ZRANB3: variants seen among roughly 807,000 people sequenced by gnomAD.
The protein encoded by ZRANB3 is zinc finger RANBP2-type containing 3.
Under a neutral mutation model 133.8 loss-of-function variants are expected in ZRANB3, and 125 were observed. The ratio of observed to expected loss-of-function variants is 0.93; its 90% CI spans 0.81 to 1.08. The LOEUF is 1.08. Ranked by LOEUF, ZRANB3 falls within the 50% of genes least tolerant of loss-of-function variation. The probability of loss-of-function intolerance (pLI) is 0.00; values close to 1 mark genes in which losing one functional copy is unlikely to be tolerated. For synonymous variants in ZRANB3, 387 were observed against 432.7 expected (o/e 0.89, Z 1.31); for missense variants, 1,229 against 1,275.5 (o/e 0.96, Z 0.56).
At chr2:135,466,433 T>TAA (rs1189865279) in intron 2 of ZRANB3, among the ~76,000 whole-genome samples, 1 of 126,158 alleles carries the variant, frequency 7.9e-6, no homozygotes, top group Non-Finnish European at 1.7e-5. Context: ...AATAGATGAA[T>TAA]AAACTATTAT....
chr2:135,235,944 G>C (rs921107794), intron 12 of ZRANB3, among the ~76,000 whole-genome samples: 4 of 151,912 alleles, frequency 2.6e-5, no homozygotes, highest in East Asian at 1.9e-4. Flanking sequence ...CCAGGGCAAT[G>C]AGGCAGGAGA....
At chr2:135,513,749 T>C (rs908684872) in intron 1 of ZRANB3, among the ~76,000 whole-genome samples, 1 of 152,224 alleles carries the variant, frequency 6.6e-6, no homozygotes, top group Non-Finnish European at 1.5e-5. Flanking sequence ...AAGGTTTTTA[T>C]GGTTTTAGGT....
intron 2 of ZRANB3, among the ~76,000 whole-genome samples, chr2:135,431,253 C>A (rs1182527623): frequency 6.6e-6 from 1 of 151,630 alleles, no homozygotes; most frequent in African/African-American, 2.4e-5. Flanking sequence ...GATCGCACCA[C>A]TGCATTCCAG....
chr2:135,362,307 C>T (rs1335922175), intron 3 of ZRANB3, among the ~76,000 whole-genome samples: 1 of 152,082 alleles, frequency 6.6e-6, no homozygotes, highest in East Asian at 1.9e-4. Flanking sequence ...GCACATAGCC[C>T]TGATCTTCTT....
rs148796808 is a variant in ZRANB3, at chr2:135,362,173, G to A, written c.181-8545C>T. ...AGATCGCGCCACTGCACTCCAGCCT[G>A]GGCAGCAGAGCAAGACTCCGTCTCA... On this transcript the variant is annotated intron_variant, in intron 3 of 20. Transcript: ENST00000264159. Among the ~76,000 whole-genome samples the A allele has an allele frequency of 2.9e-3, 443 of 151,184 alleles. 2 individuals are homozygous for A. Among genetic ancestry groups the A allele is most frequent in the African/African-American group, 0.01 (420 of 41,030 alleles).
intron 12 of ZRANB3, among the ~76,000 whole-genome samples, chr2:135,258,365 G>A (rs1396972779): frequency 3.3e-5 from 5 of 152,316 alleles, no homozygotes; most frequent in Admixed American, 3.3e-4. Flanking sequence ...ATGTGGTGGA[G>A]CCTTGGGGAG....
At chr2:135,366,744 C>A (rs569487243) in intron 3 of ZRANB3, among the ~76,000 whole-genome samples, 3 of 152,078 alleles carry the variant, frequency 2.0e-5, no homozygotes, top group Non-Finnish European at 2.9e-5. Flanking sequence ...TTAGGCCGGG[C>A]GTGGTGGCTC....
chr2:135,403,662 G>A (rs1687853977), intron 2 of ZRANB3, among the ~76,000 whole-genome samples: 1 of 152,214 alleles, frequency 6.6e-6, no homozygotes, highest in African/African-American at 2.4e-5. Context: ...TCCTCAAGTG[G>A]GTCCCTGACC....
chr2:135,463,171 T>A (rs1163633927), intron 2 of ZRANB3, among the ~76,000 whole-genome samples: 2 of 152,100 alleles, frequency 1.3e-5, no homozygotes, highest in East Asian at 3.9e-4. Context: ...CTAAAAAAAA[T>A]TGTTTTAAGT....
At chr2:135,391,582 CTTT>C (rs200286702) in intron 2 of ZRANB3, among the ~76,000 whole-genome samples, 1 of 142,144 alleles carries the variant, frequency 7.0e-6, no homozygotes. Context: ...TTATTTCTTT[CTTT>C]TTTTTTTTTT....
At chr2:135,322,656 T>C (rs566118460) in intron 6 of ZRANB3, among the ~76,000 whole-genome samples, 1 of 152,236 alleles carries the variant, frequency 6.6e-6, no homozygotes, top group East Asian at 1.9e-4. Context: ...AGGTTGAGGC[T>C]ACAGTAAGCT....
At chr2:135,521,789 T>C (rs1276007614) in intron 1 of ZRANB3, among the ~76,000 whole-genome samples, 1 of 152,216 alleles carries the variant, frequency 6.6e-6, no homozygotes, top group Admixed American at 6.5e-5. Flanking sequence ...ATGCTTGGTA[T>C]GGTACACCTT....
chr2:135,520,594 G>GT (rs1246000920), intron 1 of ZRANB3, among the ~76,000 whole-genome samples: 4 of 150,204 alleles, frequency 2.7e-5, no homozygotes, highest in African/African-American at 4.9e-5. Flanking sequence ...TTTTTTGTTT[G>GT]TTTTTTTTGA....
At chr2:135,283,807 T>C (rs1681212816) in intron 8 of ZRANB3, among the ~76,000 whole-genome samples, 1 of 151,872 alleles carries the variant, frequency 6.6e-6, no homozygotes, top group Non-Finnish European at 1.5e-5. Context: ...CATGCCTATT[T>C]AGGGATGTTG....
intron 2 of ZRANB3, among the ~76,000 whole-genome samples, chr2:135,399,121 T>A (rs937379042): frequency 1.3e-5 from 2 of 152,142 alleles, no homozygotes; most frequent in Non-Finnish European, 2.9e-5. Context: ...TGAACGGCCA[T>A]ACATGTACAT....
At chr2:135,291,701 C>T (rs561824528) in intron 8 of ZRANB3, among the ~76,000 whole-genome samples, 2 of 151,856 alleles carry the variant, frequency 1.3e-5, no homozygotes, top group East Asian at 1.9e-4. Flanking sequence ...CCCATTAACT[C>T]GTCATTTAAC....
chr2:135,496,559 ATAAG>A (rs1011416255), intron 2 of ZRANB3, among the ~76,000 whole-genome samples: 1 of 152,162 alleles, frequency 6.6e-6, no homozygotes, highest in Non-Finnish European at 1.5e-5. Context: ...ACTTACATAA[ATAAG>A]TATGTTCTAA....
At chr2:135,327,090 A>G (rs1683873722) in intron 6 of ZRANB3, among the ~76,000 whole-genome samples, 3 of 152,060 alleles carry the variant, frequency 2.0e-5, no homozygotes, top group African/African-American at 7.2e-5. Context: ...TAATGAGTAC[A>G]TGGGGGGTTC....
At chr2:135,353,729 G>T (rs772312880) in intron 3 of ZRANB3, 101 bp from the exon 4 acceptor site, 1 of 816,552 alleles carries the variant, frequency 1.2e-6, no homozygotes, top group Non-Finnish European at 1.7e-6. Context: ...AGCTGGGTGT[G>T]ATGGCTCATG....
Sources: allele counts gnomAD v4.1 joint callset (sites outside exome capture counted in the v4.1 genomes callset), GRCh38; gene constraint gnomAD v4.1.1; transcripts MANE v1.5; gene names NCBI Gene and HGNC (gene_info 2026-07-23, HGNC 2026-07-21).